Variants in SLTM observed in about 807,000 individuals in gnomAD.
SLTM encodes the protein SAFB like transcription modulator, also known as SAFB-like transcription modulator.
In SLTM, 43 loss-of-function variants were observed where a neutral mutation model predicts 134.6. That is an observed-to-expected ratio of 0.32 (90% CI 0.25 to 0.41). SLTM has a LOEUF of 0.41. SLTM is among the 10% of genes least tolerant of loss of function. The pLI is 1.00. For missense variants in SLTM, 1,055 were observed against 1,288.8 expected, an observed-to-expected ratio of 0.82 and a Z score of 2.78; for synonymous variants, 424 against 432.3, an observed-to-expected ratio of 0.98 and a Z score of 0.24.
intron 3 of SLTM, among the ~76,000 whole-genome samples, chr15:58,914,133 C>T (rs887482722): frequency 1.3e-5 from 2 of 152,142 alleles, no homozygotes; most frequent in African/African-American, 4.8e-5. Flanking sequence ...AATGTCTGTT[C>T]TTGAAAAATA....
chr15:58,887,068 T>C lies in SLTM; in HGVS notation c.2742A>G (p.Arg914=). The C allele has an allele frequency of 6.2e-7, 1 of 1,613,974 alleles. No individual in the cohort carries two copies. Among genetic ancestry groups the C allele is most frequent in the Non-Finnish European group, 8.5e-7 (1 of 1,180,024 alleles). The part of the protein sequence containing the change: ...SGREVSGHSV[R]GAPPGNRSSA... Reference sequence around the variant, plus strand: ...TGCTACGATTCCCAGGGGGAGCGCCTCTCACACTGTGCCCTGATACTTCTC... The same window carrying C: ...TGCTACGATTCCCAGGGGGAGCGCCCCTCACACTGTGCCCTGATACTTCTC... The change falls in exon 19 of 21, where the codon AGA becomes AGG. Residue 914 remains arginine (R), a synonymous_variant. Transcript: ENST00000380516.
At chr15:58,910,260 G>A (rs1291365618) in intron 5 of SLTM, among the ~76,000 whole-genome samples, 1 of 152,150 alleles carries the variant, frequency 6.6e-6, no homozygotes, top group Non-Finnish European at 1.5e-5. Flanking sequence ...CAGCTGAAGC[G>A]AGGTGATTGT....
At chr15:58,908,614 T>C (rs2036044467) in intron 5 of SLTM, among the ~76,000 whole-genome samples, 1 of 151,790 alleles carries the variant, frequency 6.6e-6, no homozygotes. Context: ...AGCAATCCTT[T>C]CATCTCAACC....
intron 5 of SLTM, among the ~76,000 whole-genome samples, chr15:58,906,826 C>G (rs568665893): frequency 6.6e-6 from 1 of 152,218 alleles, no homozygotes; most frequent in Non-Finnish European, 1.5e-5. Context: ...AAAGACTGAA[C>G]TAACTGCTTG....
chr15:58,887,612 C>A, intron 17 of SLTM, 72 bp from the exon 18 acceptor site: 1 of 1,522,566 alleles, frequency 6.6e-7, no homozygotes, highest in Non-Finnish European at 8.8e-7. Context: ...TTAACTTTGT[C>A]TGCATAACCT....
At chr15:58,922,636 A>G in intron 2 of SLTM, among the ~76,000 whole-genome samples, 1 of 147,162 alleles carries the variant, frequency 6.8e-6, no homozygotes, top group East Asian at 1.9e-4. Flanking sequence ...TATAAAATAT[A>G]TATTATATAT....
chr15:58,887,199 G>C, intron 18 of SLTM, 27 bp downstream of exon 18: 2 of 1,611,752 alleles, frequency 1.2e-6, no homozygotes, highest in South Asian at 2.2e-5. Context: ...GAGACCACTA[G>C]GAAAGCATTA....
intron 15 of SLTM, among the ~76,000 whole-genome samples, 192 bp from the exon 16 acceptor site, chr15:58,889,746 A>G (rs2034514634): frequency 6.6e-6 from 1 of 152,260 alleles, no homozygotes; most frequent in African/African-American, 2.4e-5. Context: ...CATTAAAAAT[A>G]ACAAGGACTG....
At chr15:58,883,551 AG>A in intron 20 of SLTM, 74 bp downstream of exon 20, 1 of 1,576,630 alleles carries the variant, frequency 6.3e-7, no homozygotes. Flanking sequence ...TCAGTCTCTC[AG>A]AAACTATAAT....
chr15:58,922,816 G>A (rs578142387), intron 2 of SLTM, among the ~76,000 whole-genome samples: 7 of 151,258 alleles, frequency 4.6e-5, no homozygotes, highest in African/African-American at 1.7e-4. Flanking sequence ...GGGTTCGAGC[G>A]ATTCTCCCGC....
At chr15:58,918,230 A>C (rs1273034629) in intron 2 of SLTM, among the ~76,000 whole-genome samples, 1 of 152,140 alleles carries the variant, frequency 6.6e-6, no homozygotes, top group Non-Finnish European at 1.5e-5. Flanking sequence ...TATTAAAAAA[A>C]ATTTTTTTTT....
chr15:58,916,946 C>T lies in SLTM; in HGVS notation c.304G>A (p.Ala102Thr), dbSNP rs765913900. The T allele has an allele frequency of 4.3e-6, 7 of 1,613,528 alleles. No homozygotes were observed. In the African/African-American group the frequency reaches 9.3e-5, roughly 22 times the overall value. ...AATTAACACTTTACCTTGATAAAAG[C>T]ATCATCTTCCACAGAAGCATCTCCA... ...LSGDASVEDD[A>T]FIKDCELENQ... is the part of the protein sequence containing the mutation. The change falls in exon 3 of 21, where the codon GCT (alanine) becomes ACT (threonine). Residue 102 changes from alanine (A) to threonine (T), a missense_variant. Ala to Thr is a moderately conservative substitution (Grantham distance 58). This residue lies in a region of SLTM where 268 missense variants were observed against 284.3 expected (regional missense o/e 0.94). Coordinates refer to ENST00000380516, the MANE Select transcript of SLTM (RefSeq NM_024755.4).
At chr15:58,897,418 G>A (rs1405108434) in intron 8 of SLTM, 185 bp from the exon 9 acceptor site, 7 of 510,250 alleles carry the variant, frequency 1.4e-5, no homozygotes, top group South Asian at 5.7e-5. Flanking sequence ...AAATCTGAAC[G>A]TATGTACATT....
chr15:58,885,825 C>CAA (rs1315606380), intron 19 of SLTM, among the ~76,000 whole-genome samples: 1 of 151,796 alleles, frequency 6.6e-6, no homozygotes, highest in Non-Finnish European at 1.5e-5. Flanking sequence ...AACAACAACA[C>CAA]ACACACACAC....
At chr15:58,891,157 G>A (rs565701629) in intron 14 of SLTM, among the ~76,000 whole-genome samples, 2 of 151,998 alleles carry the variant, frequency 1.3e-5, no homozygotes, top group East Asian at 3.9e-4. Context: ...GTTCTCAATG[G>A]GTCAGTACTA....
intron 5 of SLTM, among the ~76,000 whole-genome samples, chr15:58,910,743 CTT>C (rs543560542): frequency 5.7e-4 from 66 of 116,190 alleles, no homozygotes; most frequent in East Asian, 1.3e-3. Context: ...CTCATAGATT[CTT>C]TTTTTTTTTT....
intron 2 of SLTM, among the ~76,000 whole-genome samples, chr15:58,926,934 G>A (rs1056927466): frequency 2.6e-5 from 4 of 151,958 alleles, no homozygotes; most frequent in African/African-American, 9.7e-5. Context: ...TAATGGCTGC[G>A]ATAAAAGGGC....
intron 3 of SLTM, among the ~76,000 whole-genome samples, chr15:58,914,010 A>G (rs1159800102): frequency 2.0e-5 from 3 of 152,218 alleles, no homozygotes; most frequent in African/African-American, 7.2e-5. Flanking sequence ...TCCAAAAAAT[A>G]CGGCTTCATT....
chr15:58,907,469 A>G (rs1291868781), intron 5 of SLTM, among the ~76,000 whole-genome samples: 2 of 152,128 alleles, frequency 1.3e-5, no homozygotes, highest in African/African-American at 4.8e-5. Flanking sequence ...AAAAAATACA[A>G]AAGTCAGACG....
Sources: gnomAD v4.1 joint callset for allele counts (sites outside exome capture counted in the v4.1 genomes callset) on GRCh38, gnomAD v4.1.1 for gene constraint, gnomAD v4.1.1 regional missense constraint, MANE v1.5 for transcripts, NCBI Gene and HGNC (gene_info 2026-07-23, HGNC 2026-07-21) for gene names.